The following CHCHD3 variants were observed in gnomAD, a reference collection of about 807,000 sequenced individuals.
The protein encoded by CHCHD3 is coiled-coil-helix-coiled-coil-helix domain containing 3, also known as MICOS complex subunit MIC19.
A neutral mutation model predicts 38.2 loss-of-function variants in CHCHD3; 20 were observed. The ratio of observed to expected loss-of-function variants is 0.52; its 90% CI spans 0.37 to 0.76. The LOEUF (loss-of-function observed/expected upper bound fraction) is 0.76, where lower values mean the gene tolerates loss of function less well. Among genes scored for constraint, CHCHD3 ranks in the 30% least tolerant of loss-of-function variants. The pLI is 0.00. For synonymous variants in CHCHD3, 82 were observed against 100.0 expected, an observed-to-expected ratio of 0.82 and a Z score of 1.07; for missense variants, 245 against 279.2, an observed-to-expected ratio of 0.88 and a Z score of 0.87.
intron 3 of CHCHD3, among the ~76,000 whole-genome samples, chr7:133,019,095 C>T (rs1227643373): frequency 6.6e-6 from 1 of 151,774 alleles, no homozygotes; most frequent in African/African-American, 2.4e-5. Context: ...GTTGGTCAGG[C>T]TGGTCTCAAA....
At chr7:133,036,287 A>G (rs1287675411) in intron 2 of CHCHD3, among the ~76,000 whole-genome samples, 1 of 152,222 alleles carries the variant, frequency 6.6e-6, no homozygotes, top group African/African-American at 2.4e-5. Flanking sequence ...ATCTCAAGTT[A>G]CACAGTTCAT....
At chr7:133,068,236 G>C (rs1814727290) in intron 2 of CHCHD3, among the ~76,000 whole-genome samples, 1 of 152,104 alleles carries the variant, frequency 6.6e-6, no homozygotes, top group African/African-American at 2.4e-5. Context: ...CTTTTAAAAT[G>C]GATAATGCCC....
chr7:133,036,389 T>G (rs1813675053), intron 2 of CHCHD3, among the ~76,000 whole-genome samples: 2 of 152,310 alleles, frequency 1.3e-5, no homozygotes, highest in South Asian at 4.1e-4. Context: ...ATGTTCACAT[T>G]TAAATTTATA....
At chr7:132,948,783 T>G (rs930233678) in intron 4 of CHCHD3, among the ~76,000 whole-genome samples, 3 of 152,144 alleles carry the variant, frequency 2.0e-5, no homozygotes, top group African/African-American at 7.2e-5. Context: ...TTAAAACGGC[T>G]GCTTAGATGC....
At chr7:133,069,138 G>A (rs888704364) in intron 2 of CHCHD3, among the ~76,000 whole-genome samples, 3 of 152,122 alleles carry the variant, frequency 2.0e-5, no homozygotes, top group African/African-American at 7.2e-5. Context: ...TTCTAACAAG[G>A]AAGGCATGCT....
intron 4 of CHCHD3, among the ~76,000 whole-genome samples, chr7:132,904,229 C>A (rs911768803): frequency 1.1e-4 from 17 of 151,816 alleles, no homozygotes; most frequent in Non-Finnish European, 2.1e-4. Flanking sequence ...CCACTGTACT[C>A]CAAGCCTGGA....
chr7:133,050,794 C>T (rs1293506261), intron 2 of CHCHD3, among the ~76,000 whole-genome samples: 3 of 152,006 alleles, frequency 2.0e-5, no homozygotes, highest in Non-Finnish European at 2.9e-5. Context: ...GGAGATAGAC[C>T]ACTTGAGGTC....
intron 4 of CHCHD3, among the ~76,000 whole-genome samples, chr7:132,962,472 T>C (rs572436645): frequency 4.6e-5 from 7 of 152,260 alleles, no homozygotes; most frequent in African/African-American, 1.7e-4. Flanking sequence ...TTGCCTAAAA[T>C]TACATGGAGT....
intron 6 of CHCHD3, among the ~76,000 whole-genome samples, chr7:132,798,049 CAG>C (rs1806666911): frequency 1.3e-5 from 2 of 152,090 alleles, no homozygotes; most frequent in South Asian, 4.2e-4. Context: ...CTAGAGAACA[CAG>C]GGGGAATATT....
intron 4 of CHCHD3, among the ~76,000 whole-genome samples, chr7:132,904,184 C>A (rs1034016517): frequency 3.3e-5 from 5 of 151,860 alleles, no homozygotes; most frequent in African/African-American, 1.2e-4. Context: ...TCATTTGAGC[C>A]CAGGAGGTCA....
intron 4 of CHCHD3, among the ~76,000 whole-genome samples, chr7:132,921,386 C>T (rs1207211165): frequency 6.6e-6 from 1 of 152,022 alleles, no homozygotes; most frequent in African/African-American, 2.4e-5. Context: ...GTAATAAAAG[C>T]AAGAAAATTC....
intron 5 of CHCHD3, among the ~76,000 whole-genome samples, chr7:132,883,900 G>C (rs1809139752): frequency 6.6e-6 from 1 of 152,024 alleles, no homozygotes; most frequent in Non-Finnish European, 1.5e-5. Context: ...CATATCTTAA[G>C]AATCTTCACC....
chr7:133,024,480 T>C, intron 3 of CHCHD3, 66 bp downstream of exon 3: 3 of 1,090,276 alleles, frequency 2.8e-6, no homozygotes, highest in Non-Finnish European at 4.3e-6. Flanking sequence ...CAATCATTCT[T>C]CTCTAAAAAT....
At chr7:133,074,949 G>T (rs887130126) in intron 1 of CHCHD3, among the ~76,000 whole-genome samples, 2 of 152,040 alleles carry the variant, frequency 1.3e-5, no homozygotes. Context: ...AATTCATTTT[G>T]GTTCATTTTT....
chr7:132,886,926 T>A, intron 4 of CHCHD3: 2 of 1,198,534 alleles, frequency 1.7e-6, no homozygotes, highest in Non-Finnish European at 1.1e-6. Context: ...ATCTGCTTAG[T>A]TTAGGTGAAC....
intron 2 of CHCHD3, among the ~76,000 whole-genome samples, chr7:133,049,894 C>T (rs1398246213): frequency 1.3e-5 from 2 of 152,214 alleles, no homozygotes; most frequent in Admixed American, 1.3e-4. Context: ...GTCCTTTTTA[C>T]AGCTAGTGCA....
chr7:132,989,908 T>G (rs1316392355), intron 3 of CHCHD3, among the ~76,000 whole-genome samples: 1 of 152,180 alleles, frequency 6.6e-6, no homozygotes, highest in Admixed American at 6.5e-5. Context: ...ATATTCAATA[T>G]ACGGGTGAAT....
chr7:132,846,088 T>C (rs978415389), intron 5 of CHCHD3, among the ~76,000 whole-genome samples: 5 of 152,208 alleles, frequency 3.3e-5, no homozygotes, highest in Admixed American at 6.5e-5. Flanking sequence ...CTTTACTCTT[T>C]TCTATATCCG....
At chr7:132,854,891 A>G (rs1001730959) in intron 5 of CHCHD3, among the ~76,000 whole-genome samples, 2 of 152,234 alleles carry the variant, frequency 1.3e-5, no homozygotes, top group African/African-American at 4.8e-5. Flanking sequence ...ACACAATTCT[A>G]ACAGGGCAAG....
Sources: gnomAD v4.1 joint callset for allele counts (sites outside exome capture counted in the v4.1 genomes callset) on GRCh38, gnomAD v4.1.1 for gene constraint, MANE v1.5 for transcripts, NCBI Gene and HGNC (gene_info 2026-07-23, HGNC 2026-07-21) for gene names.